PTPRG: variants seen among roughly 807,000 people sequenced by gnomAD.
PTPRG encodes the protein protein tyrosine phosphatase receptor type G.
A neutral mutation model predicts 165.3 loss-of-function variants in PTPRG; 102 were observed. That is an observed-to-expected ratio of 0.62 (90% CI 0.53 to 0.73). The LOEUF (loss-of-function observed/expected upper bound fraction) is 0.73, where lower values mean the gene tolerates loss of function less well. PTPRG is among the 30% of genes least tolerant of loss of function. PTPRG has a pLI of 0.00. For missense variants in PTPRG, 1,866 were observed against 1,861.4 expected, an observed-to-expected ratio of 1.00 and a Z score of -0.05; for synonymous variants, 675 against 669.5, an observed-to-expected ratio of 1.01 and a Z score of -0.13.
intron 1 of PTPRG, among the ~76,000 whole-genome samples, chr3:61,603,948 A>G (rs536604826): frequency 1.3e-5 from 2 of 152,250 alleles, no homozygotes; most frequent in South Asian, 2.1e-4. Flanking sequence ...ATCCACAGTG[A>G]CCCTATTTCC....
chr3:62,246,288 GA>G (rs1014189419), intron 15 of PTPRG, among the ~76,000 whole-genome samples: 2 of 152,166 alleles, frequency 1.3e-5, no homozygotes, highest in African/African-American at 2.4e-5. Flanking sequence ...GTGAAATGAC[GA>G]GTGAGGCTCA....
chr3:62,278,516 C>T (rs2148883802), intron 26 of PTPRG, among the ~76,000 whole-genome samples: 1 of 152,124 alleles, frequency 6.6e-6, no homozygotes, highest in East Asian at 1.9e-4. Context: ...ATAAAAGTTA[C>T]TGTGTGGACA....
chr3:62,204,161 GTCTT>G (rs1178009051), intron 12 of PTPRG, among the ~76,000 whole-genome samples: 1 of 152,194 alleles, frequency 6.6e-6, no homozygotes, highest in African/African-American at 2.4e-5. Context: ...GCTGGAGTAA[GTCTT>G]TCTTTGATAT....
At chr3:61,624,083 A>G (rs1047797870) in intron 1 of PTPRG, among the ~76,000 whole-genome samples, 2 of 151,916 alleles carry the variant, frequency 1.3e-5, no homozygotes, top group Admixed American at 1.3e-4. Flanking sequence ...TACACTTGGG[A>G]CCCACCCCTT....
intron 19 of PTPRG, among the ~76,000 whole-genome samples, 198 bp downstream of exon 19, chr3:62,268,017 G>A (rs1380308552): frequency 3.3e-5 from 5 of 152,090 alleles, no homozygotes; most frequent in Non-Finnish European, 7.4e-5. Flanking sequence ...TGACAGAGAT[G>A]AACAGGGTAT....
At chr3:61,672,015 CAGGCA>C (rs1559550139) in intron 1 of PTPRG, among the ~76,000 whole-genome samples, 1 of 125,196 alleles carries the variant, frequency 8.0e-6, no homozygotes, top group Non-Finnish European at 1.7e-5. Context: ...GGGCGGTTGC[CAGGCA>C]GAGGGTCTCC....
In PTPRG at chr3:62,278,759, C is replaced by T. The variant is rs78948217; in HGVS notation, c.3765+1080C>T. Among the ~76,000 whole-genome samples the T allele has an allele frequency of 5.2e-3, 797 of 152,110 alleles. 12 individuals carry two copies. Among genetic ancestry groups the T allele is most frequent in the Admixed American group, 0.039 (594 of 15,256 alleles). ...ATGGAATGGCAACAAAGTTGAGAAT[C>T]TTAAACTAAAAGCTGGAGTGTAAAT... is the stretch of plus-strand genomic sequence containing the variant. On this transcript the variant is annotated intron_variant, in intron 26 of 29. Coordinates refer to ENST00000474889, the MANE Select transcript of PTPRG (RefSeq NM_002841.4).
rs369959660 is a variant in PTPRG at position 62,166,753 on chromosome 3, A to G, written c.841-1218A>G. The stretch of plus-strand genomic sequence containing the variant: ...CACCCAGACTGGAGTGCATGGTGCA[A>G]TCATAGCTCATTGCAGCTTGCAACT... On this transcript the variant is annotated intron_variant, in intron 7 of 29. Transcript: ENST00000474889. 8.5e-5 allele frequency among the ~76,000 whole-genome samples: 13 copies of G among 152,122 alleles called. No homozygotes were observed. In the East Asian group the frequency reaches 2.5e-3, roughly 29 times the overall value.
intron 6 of PTPRG, among the ~76,000 whole-genome samples, chr3:62,133,851 TA>T (rs1281372006): frequency 9.2e-5 from 14 of 152,106 alleles, no homozygotes; most frequent in African/African-American, 3.1e-4. Flanking sequence ...AGCATAGTGA[TA>T]GGCGCCTATA....
intron 1 of PTPRG, among the ~76,000 whole-genome samples, chr3:61,614,557 G>A (rs922630152): frequency 1.1e-4 from 16 of 151,302 alleles, no homozygotes; most frequent in Admixed American, 9.9e-4. Context: ...CCACAGGTGT[G>A]CACCACCACG....
In PTPRG at chr3:62,190,798, G is replaced by T. The variant is rs532642824; in HGVS notation, c.1034-671G>T. 8.5e-5 allele frequency among the ~76,000 whole-genome samples: 13 copies of T among 152,328 alleles called. No individual in the cohort carries two copies. The highest frequency in any genetic ancestry group is 4.1e-4 in the South Asian group (2 of 4,820). On this transcript the variant is annotated intron_variant, in intron 8 of 29. Coordinates refer to ENST00000474889, the MANE Select transcript of PTPRG (RefSeq NM_002841.4). This position sits in a 1 kb window ranked among gnomAD's most constrained non-coding sequence, Gnocchi z 5.2. ...GCTTCTTCAAAACGTCCATCATGAA[G>T]AAAAAGGCTGTTGACCATGAGGCTG...
intron 4 of PTPRG, among the ~76,000 whole-genome samples, chr3:62,028,760 C>T (rs1051483629): frequency 5.3e-5 from 8 of 152,240 alleles, no homozygotes; most frequent in East Asian, 3.9e-4. Flanking sequence ...TGTGGCTAGA[C>T]GGGGCTAGAA....
At chr3:61,846,836 G>T (rs1211989419) in intron 2 of PTPRG, among the ~76,000 whole-genome samples, 1 of 152,102 alleles carries the variant, frequency 6.6e-6, no homozygotes, top group African/African-American at 2.4e-5. Context: ...GATTGCTTGA[G>T]TCCAGGAGGT....
At chr3:61,726,570 A>G (rs2032265787) in intron 1 of PTPRG, among the ~76,000 whole-genome samples, 2 of 152,150 alleles carry the variant, frequency 1.3e-5, no homozygotes, top group South Asian at 2.1e-4. Context: ...CCATTTTATA[A>G]TCCATTAAAC....
At chr3:61,753,695 G>C (rs1575635684) in intron 2 of PTPRG, 1 of 417,086 alleles carries the variant, frequency 2.4e-6, no homozygotes, top group East Asian at 7.2e-5. Flanking sequence ...CTGAGTTCAA[G>C]CAATTCTCAC....
intron 2 of PTPRG, among the ~76,000 whole-genome samples, chr3:61,839,361 A>G (rs1480571507): frequency 3.9e-5 from 6 of 152,356 alleles, no homozygotes; most frequent in South Asian, 2.1e-4. Context: ...AGACTATTCT[A>G]TGATACTGTT....
At chr3:62,186,352 C>T (rs560720714) in intron 8 of PTPRG, among the ~76,000 whole-genome samples, 14 of 152,070 alleles carry the variant, frequency 9.2e-5, no homozygotes, top group African/African-American at 3.1e-4. Flanking sequence ...AAACGCGAGC[C>T]CCTGCCAAGG....
At chr3:61,722,934 A>C (rs7637558) in intron 1 of PTPRG, among the ~76,000 whole-genome samples, 6 of 151,744 alleles carry the variant, frequency 4.0e-5, no homozygotes, top group Admixed American at 2.6e-4. Flanking sequence ...GATTTGAGAG[A>C]TACAAGTGGA....
rs1351906515 is a variant in PTPRG, at chr3:62,293,142, T to A, written c.4192-19T>A. 1 of 1,548,434 alleles carries A rather than the reference T, an allele frequency of 6.5e-7. No homozygotes were observed. Among genetic ancestry groups the A allele is most frequent in the Non-Finnish European group, 8.7e-7 (1 of 1,150,786 alleles). On this transcript the variant is annotated intron_variant, in intron 29 of 29. Transcript: ENST00000474889. ...CTAAACTGTTCTTTGGCTCAAACTG[T>A]CTTCCTCTTGTTTTTCAGGAACAAT...
Sources: allele counts gnomAD v4.1 joint callset (sites outside exome capture counted in the v4.1 genomes callset), GRCh38; gene constraint gnomAD v4.1.1; non-coding constraint Gnocchi (gnomAD v3.1); transcripts MANE v1.5; gene names NCBI Gene and HGNC (gene_info 2026-07-23, HGNC 2026-07-21).